Variants in SLITRK5 observed in about 807,000 individuals in gnomAD.
SLITRK5 encodes SLIT and NTRK-like protein 5.
A neutral mutation model predicts 56.2 loss-of-function variants in SLITRK5; 23 were observed. The ratio of observed to expected loss-of-function variants is 0.41; its 90% CI spans 0.29 to 0.58. SLITRK5 has a LOEUF of 0.58. SLITRK5 is among the 20% of genes least tolerant of loss of function. The pLI is 0.30. For synonymous variants in SLITRK5, 637 were observed against 531.8 expected (o/e 1.20, Z -2.72); for missense variants, 1,289 against 1,226.6 (o/e 1.05, Z -0.76).
In SLITRK5 at chr13:87,672,004, C is replaced by T. The variant is rs1877051517; in HGVS notation, c.-214C>T. Among the ~76,000 whole-genome samples the T allele has an allele frequency of 6.6e-6, 1 of 152,090 alleles. No individual in the cohort carries two copies. The highest frequency in any genetic ancestry group is 1.5e-5 in the Non-Finnish European group (1 of 68,028). ...GGCGGGAGATGCATGCACACCCCCG[C>T]GACCCGCTCCCTCTGGCTCGTCCCC... On this transcript the variant is annotated 5_prime_UTR_variant, in exon 1 of 2. An upstream open reading frame in the 5' UTR gains an earlier in-frame stop. Transcript: ENST00000683689.
rs1877353829 is a variant in SLITRK5, at chr13:87,677,739, T to C, written c.2351T>C (p.Val784Ala). The change falls in exon 2 of 2, where the codon GTC (valine) becomes GCC (alanine). Residue 784 changes from valine to alanine, a missense_variant. Val to Ala is a moderately conservative substitution (Grantham distance 64, BLOSUM62 0). Coordinates refer to ENST00000683689, the MANE Select transcript of SLITRK5 (RefSeq NM_001384609.1). The surrounding 1 kb of genome is among the most constrained non-coding windows in gnomAD (Gnocchi z 4.7). Reference sequence around the variant, plus strand: ...TACAAAGACCTGCACGAGCTCAAGGTCACCTACAGCAGCAACCACCACCTG... The same window carrying C: ...TACAAAGACCTGCACGAGCTCAAGGCCACCTACAGCAGCAACCACCACCTG... ...EDYKDLHELK[V>A]TYSSNHHLQQ... 1 of 1,612,512 alleles carries C rather than the reference T, an allele frequency of 6.2e-7. No homozygotes were observed. Among genetic ancestry groups the C allele is most frequent in the Admixed American group, 1.7e-5 (1 of 59,938 alleles).
In SLITRK5 at chr13:87,675,855, A is replaced by G. The variant is rs200410642; in HGVS notation, c.467A>G (p.Glu156Gly). The G allele has an allele frequency of 5.6e-6, 9 of 1,614,164 alleles. No individual in the cohort carries two copies. Among genetic ancestry groups the G allele is most frequent in the Non-Finnish European group, 7.6e-6 (9 of 1,180,022 alleles). Residue 156 changes from glutamate (E) to glycine (G), a missense_variant, in exon 2 of 2, where the codon GAG becomes GGG. Glu to Gly is a moderately conservative substitution (Grantham distance 98). This residue lies in a region of SLITRK5 where 291 missense variants were observed against 286.7 expected (regional missense o/e 1.02). Coordinates refer to ENST00000683689, the MANE Select transcript of SLITRK5 (RefSeq NM_001384609.1). ...DDTFLGLENL[E>G]YLQVDYNYIS... ...ACCTTCCTTGGCTTGGAGAACCTGG[A>G]GTACCTACAGGTCGATTACAACTAC...
rs370073384 is a variant in SLITRK5 at position 87,675,672 on chromosome 13, G to T, written c.284G>T (p.Arg95Leu). The T allele has an allele frequency of 5.0e-6, 8 of 1,613,954 alleles. No individual in the cohort carries two copies. In the South Asian group the frequency reaches 7.7e-5, roughly 16 times the overall value. Reference protein sequence around the residue: ...HLLLSGNLLNRLYPNEFVNYT... With the variant: ...HLLLSGNLLNLLYPNEFVNYT... ...TTGTTGTCCGGAAACCTTTTGAACC[G>T]TCTCTATCCCAATGAGTTTGTCAAT... Residue 95 changes from arginine to leucine, a missense_variant, in exon 2 of 2, where the codon CGT (arginine) becomes CTT (leucine). Arg to Leu is a moderately radical substitution (Grantham distance 102). This residue lies in a region of SLITRK5 where 291 missense variants were observed against 286.7 expected (regional missense o/e 1.02). Coordinates refer to ENST00000683689, the MANE Select transcript of SLITRK5 (RefSeq NM_001384609.1).
intron 1 of SLITRK5, among the ~76,000 whole-genome samples, chr13:87,673,822 G>A (rs951532907): frequency 2.0e-5 from 3 of 152,108 alleles, no homozygotes; most frequent in Non-Finnish European, 4.4e-5. Context: ...AGGTCTCCAG[G>A]CTTGAACCCG....
rs1427433192 is a variant in SLITRK5 at position 87,671,910 on chromosome 13, C to G, written c.-308C>G. 1.3e-5 allele frequency among the ~76,000 whole-genome samples: 2 copies of G among 152,136 alleles called. No individual in the cohort carries two copies. Among genetic ancestry groups the G allele is most frequent in the African/African-American group, 4.8e-5 (2 of 41,454 alleles). ...GCTGCAGCCGCCGCCTTCGCTGGAGCAGCCGAGGGGCCGGTGCCACCTTTG... is the reference window on the plus strand; with the variant it reads ...GCTGCAGCCGCCGCCTTCGCTGGAGGAGCCGAGGGGCCGGTGCCACCTTTG... On this transcript the variant is annotated 5_prime_UTR_variant, in exon 1 of 2. Coordinates refer to ENST00000683689, the MANE Select transcript of SLITRK5 (RefSeq NM_001384609.1).
At position 87,677,576 on chromosome 13, in the gene SLITRK5, C is replaced by T. The variant is rs765066634; in HGVS notation, c.2188C>T (p.His730Tyr). The T allele has an allele frequency of 6.2e-7, 1 of 1,609,678 alleles. No homozygotes were observed. Among genetic ancestry groups the T allele is most frequent in the African/African-American group, 1.3e-5 (1 of 74,924 alleles). Residue 730 changes from histidine (H) to tyrosine (Y), a missense_variant, in exon 2 of 2, where the codon CAC (histidine) becomes TAC (tyrosine). Physicochemically the swap from His to Tyr is moderately conservative, Grantham distance 83 (BLOSUM62 2). This residue lies in a region of SLITRK5 where 985 missense variants were observed against 906.0 expected (regional missense o/e 1.09). Transcript: ENST00000683689. The surrounding 1 kb of genome is among the most constrained non-coding windows in gnomAD (Gnocchi z 4.7). ...GGGTGGHPHA[H>Y]VHHRGPALPK... ...CGGCACGGGCGGCCACCCACACGCG[C>T]ACGTGCATCACCGCGGGCCCGCGCT... is the stretch of plus-strand genomic sequence containing the variant.
rs909930538 is a variant in SLITRK5 at position 87,678,416 on chromosome 13, A to G, written c.*151A>G. The G allele has an allele frequency of 6.0e-5, 43 of 719,228 alleles. No homozygotes were observed. The African/African-American group carries it at 7.7e-4, about 13-fold the overall frequency. 44.6% of individuals were successfully genotyped at this position (719,228 alleles called of 1,614,324 possible). On this transcript the variant is annotated 3_prime_UTR_variant, in exon 2 of 2. Transcript: ENST00000683689. ...CTCAGCTTCGGTGGAAGATACGAAA[A>G]GGGTGTGCAATTTCCTTTAAAATTT...
chr13:87,679,552 T>C lies in SLITRK5; in HGVS notation c.*1287T>C, dbSNP rs1031881718. On this transcript the variant is annotated 3_prime_UTR_variant, in exon 2 of 2. Coordinates refer to ENST00000683689, the MANE Select transcript of SLITRK5 (RefSeq NM_001384609.1). ...TGGGGCTACTGTTGTTACAGTCTCA[T>C]ATGTATCCCAGCACATGTAATTTTT... 2 of 166,774 alleles carry C rather than the reference T, an allele frequency of 1.2e-5. No homozygotes were observed. Among genetic ancestry groups the C allele is most frequent in the African/African-American group, 2.4e-5 (1 of 41,366 alleles). 10.3% of individuals were successfully genotyped at this position (166,774 alleles called of 1,614,324 possible).
chr13:87,676,485 C>T lies in SLITRK5; in HGVS notation c.1097C>T (p.Thr366Ile). Residue 366 changes from threonine (T) to isoleucine (I), a missense_variant, in exon 2 of 2, where the codon ACC (threonine) becomes ATC (isoleucine). Transcript: ENST00000683689. ...SNYGPSIAYQ[T>I]KSPVPLECPT... is the part of the protein sequence containing the mutation. ...TATGGCCCCAGCATCGCCTATCAGA[C>T]CAAATCCCCGGTGCCTTTGGAGTGT... 6.2e-7 allele frequency: 1 copy of T among 1,614,112 alleles called. No homozygotes were observed. Among genetic ancestry groups the T allele is most frequent in the Non-Finnish European group, 8.5e-7 (1 of 1,180,004 alleles).
Position 87,678,244 on chromosome 13 carries a change from G to A in SLITRK5, c.2856G>A (p.Gln952=). The A allele has an allele frequency of 1.2e-6, 2 of 1,612,720 alleles. No homozygotes were observed. The highest frequency in any genetic ancestry group is 1.7e-6 in the Non-Finnish European group (2 of 1,179,300). Residue 952 remains glutamine, a synonymous_variant, in exon 2 of 2, where the codon CAG becomes CAA. Transcript: ENST00000683689. Reference sequence around the variant, plus strand: ...ACTACCTCGAAGTGCTGGAAAAACAGACCACGTTTAGCCAGTTCTAAAAGC... The same window carrying A: ...ACTACCTCGAAGTGCTGGAAAAACAAACCACGTTTAGCCAGTTCTAAAAGC... The part of the protein sequence containing the change: ...EPDYLEVLEK[Q]TTFSQF
In SLITRK5 at chr13:87,676,502, T is replaced by C. The variant is rs183111563; in HGVS notation, c.1114T>C (p.Leu372=). Reference sequence around the variant, plus strand: ...CTATCAGACCAAATCCCCGGTGCCTTTGGAGTGTCCCACCGCGTGCTCTTG... The same window carrying C: ...CTATCAGACCAAATCCCCGGTGCCTCTGGAGTGTCCCACCGCGTGCTCTTG... ...IAYQTKSPVP[L]ECPTACSCNL... The change falls in exon 2 of 2, where the codon TTG becomes CTG. Residue 372 remains leucine (L), a synonymous_variant. Transcript: ENST00000683689. 1 of 1,614,052 alleles carries C rather than the reference T, an allele frequency of 6.2e-7. No individual in the cohort carries two copies. The highest frequency in any genetic ancestry group is 1.7e-5 in the Admixed American group (1 of 60,012).
chr13:87,677,593 G>A lies in SLITRK5; in HGVS notation c.2205G>A (p.Gly735=), dbSNP rs1877344010. The A allele has an allele frequency of 2.5e-6, 4 of 1,609,680 alleles. No homozygotes were observed. In the East Asian group the frequency reaches 9.0e-5, roughly 36 times the overall value. The change falls in exon 2 of 2, where the codon GGG becomes GGA. Residue 735 remains glycine, a synonymous_variant. Transcript: ENST00000683689. The surrounding 1 kb of genome is among the most constrained non-coding windows in gnomAD (Gnocchi z 4.7). ...CACACGCGCACGTGCATCACCGCGG[G>A]CCCGCGCTGCCCAAGGTGAAGACGC... is the stretch of plus-strand genomic sequence containing the variant. ...GHPHAHVHHR[G]PALPKVKTPA... is the part of the protein sequence containing the mutation.
chr13:87,672,884 TGTG>T (rs1877101650), intron 1 of SLITRK5: 1 of 158,628 alleles, frequency 6.3e-6, no homozygotes, highest in Non-Finnish European at 1.4e-5. Context: ...TGTGTGTGTG[TGTG>T]TGTGTGTGTG....
At chr13:87,674,299 C>A in intron 1 of SLITRK5, 1 of 619,424 alleles carries the variant, frequency 1.6e-6, no homozygotes, top group Non-Finnish European at 2.0e-6. Flanking sequence ...GAGAGGGGAG[C>A]GTTAACAATT....
Position 87,677,894 on chromosome 13 carries a change from A to C in SLITRK5, c.2506A>C (p.Ser836Arg). The stretch of plus-strand genomic sequence containing the variant: ...CTTGCGGAGCCCCGCCTACAGCGTC[A>C]GCACCATCGAGCCCCGGGAGGACCT... ...HHLRSPAYSV[S>R]TIEPREDLLS... The change falls in exon 2 of 2, where the codon AGC (serine) becomes CGC (arginine). Residue 836 changes from serine to arginine, a missense_variant. By Grantham distance (110) the Ser-to-Arg change is moderately radical. Coordinates refer to ENST00000683689, the MANE Select transcript of SLITRK5 (RefSeq NM_001384609.1). The surrounding 1 kb of genome is among the most constrained non-coding windows in gnomAD (Gnocchi z 4.7). The C allele has an allele frequency of 6.2e-7, 1 of 1,613,066 alleles. No individual in the cohort carries two copies. Among genetic ancestry groups the C allele is most frequent in the Non-Finnish European group, 8.5e-7 (1 of 1,179,618 alleles).
At position 87,678,335 on chromosome 13, in the gene SLITRK5, ATTTG is replaced by A; in HGVS notation, c.*71_*74del. On this transcript the variant is annotated 3_prime_UTR_variant, in exon 2 of 2. Transcript: ENST00000683689. ...GCAAGCAGACACACACAGTGAACACATTTGATTAATTGTGTTGTTTCAACGTTTA... is the reference window on the plus strand; with the variant it reads ...GCAAGCAGACACACACAGTGAACACAATTAATTGTGTTGTTTCAACGTTTA... 1.5e-6 allele frequency: 2 copies of A among 1,374,314 alleles called. No individual in the cohort carries two copies. The highest frequency in any genetic ancestry group is 2.0e-6 in the Non-Finnish European group (2 of 1,000,244). 85.1% of individuals were successfully genotyped at this position (1,374,314 alleles called of 1,614,324 possible).
rs756966467 is a variant in SLITRK5 at position 87,676,796 on chromosome 13, G to T, written c.1408G>T (p.Glu470Ter). ...CCTCTACCTGAATGGCAACAGGATC[G>T]AGAGGCTGAGCCCGGAGTTATTCTA... is the stretch of plus-strand genomic sequence containing the variant. ...RRLYLNGNRI[E>*]RLSPELFYGL... Residue 470 changes from glutamate to a stop codon, truncating the protein, a stop_gained, in exon 2 of 2, where the codon GAG (glutamate) becomes TAG (stop). Coordinates refer to ENST00000683689, the MANE Select transcript of SLITRK5 (RefSeq NM_001384609.1). LOFTEE classifies it high-confidence loss of function. 1 of 1,614,098 alleles carries T rather than the reference G, an allele frequency of 6.2e-7. No homozygotes were observed. Among genetic ancestry groups the T allele is most frequent in the Non-Finnish European group, 8.5e-7 (1 of 1,180,026 alleles).
rs561532285 is a variant in SLITRK5 at position 87,671,830 on chromosome 13, C to A, written c.-388C>A. 7.2e-5 allele frequency among the ~76,000 whole-genome samples: 11 copies of A among 152,100 alleles called. No individual in the cohort carries two copies. Among genetic ancestry groups the A allele is most frequent in the South Asian group, 2.1e-4 (1 of 4,816 alleles). ...GGGCTCGGCGCGGAGACAGCGTCGG[C>A]GGGATCCCAGCGCGGTGGTCGCCGC... is the stretch of plus-strand genomic sequence containing the variant. On this transcript the variant is annotated 5_prime_UTR_variant, in exon 1 of 2. Coordinates refer to ENST00000683689, the MANE Select transcript of SLITRK5 (RefSeq NM_001384609.1).
In SLITRK5 at chr13:87,678,858, T is replaced by TA. The variant is rs910941166; in HGVS notation, c.*602dup. 3.3e-4 allele frequency: 55 copies of TA among 165,754 alleles called. No individual in the cohort carries two copies. Among genetic ancestry groups the TA allele is most frequent in the African/African-American group, 6.1e-4 (25 of 41,118 alleles). The allele number at this position is 165,754 out of a possible 1,614,324, so 10.3% of individuals were successfully genotyped here. A position where few individuals can be genotyped will look rare whatever the true frequency, so the allele number is the denominator to read the frequency against. On this transcript the variant is annotated 3_prime_UTR_variant, in exon 2 of 2. Coordinates refer to ENST00000683689, the MANE Select transcript of SLITRK5 (RefSeq NM_001384609.1). ...TTGTATGCATTCTGGACATTTGAAT[T>TA]AAAAAAAAAGTATTGTGATCCTGTA...
Sources: gnomAD v4.1 joint callset for allele counts (sites outside exome capture counted in the v4.1 genomes callset) on GRCh38, gnomAD v4.1.1 for gene constraint, gnomAD v4.1.1 regional missense constraint, Gnocchi (gnomAD v3.1) non-coding constraint, MANE v1.5 for transcripts, NCBI Gene and HGNC (gene_info 2026-07-23, HGNC 2026-07-21) for gene names.